The following PDE1A variants were observed in gnomAD, a reference collection of about 807,000 sequenced individuals.
The protein encoded by PDE1A is dual specificity calcium/calmodulin-dependent 3',5'-cyclic nucleotide phosphodiesterase 1A.
A neutral mutation model predicts 61.7 loss-of-function variants in PDE1A; 35 were observed. The ratio of observed to expected loss-of-function variants is 0.57; its 90% CI spans 0.43 to 0.75. PDE1A has a LOEUF of 0.75. Among genes scored for constraint, PDE1A ranks in the 30% least tolerant of loss-of-function variants. The pLI is 0.00. For missense variants in PDE1A, 597 were observed against 630.6 expected (o/e 0.95, Z 0.57); for synonymous variants, 232 against 213.2 (o/e 1.09, Z -0.77).
At chr2:182,342,580 G>A (rs900870428) in intron 1 of PDE1A, among the ~76,000 whole-genome samples, 2 of 152,202 alleles carry the variant, frequency 1.3e-5, no homozygotes, top group African/African-American at 4.8e-5. Context: ...CTACTCAGGA[G>A]GCTGAGGCAG....
chr2:182,526,944 T>G (rs1379644361), upstream of PDE1A, among the ~76,000 whole-genome samples: 1 of 151,696 alleles, frequency 6.6e-6, no homozygotes, highest in African/African-American at 2.4e-5. Context: ...TAGTTACTTT[T>G]TTTTCTTTTT....
chr2:182,500,395 G>A (rs979922698), intron 2 of PDE1A, among the ~76,000 whole-genome samples: 1 of 151,960 alleles, frequency 6.6e-6, no homozygotes, highest in African/African-American at 2.4e-5. Context: ...AATCAGTAAA[G>A]AATATTTAAA....
the PDE1A span, among the ~76,000 whole-genome samples, chr2:182,623,952 C>T: frequency 2.6e-5 from 4 of 151,906 alleles, no homozygotes; most frequent in Admixed American, 6.6e-5. Flanking sequence ...CGTGAAACCC[C>T]ATCTCTACTA....
chr2:182,441,367 TC>T (rs1559466483), intron 2 of PDE1A, among the ~76,000 whole-genome samples: 1 of 152,000 alleles, frequency 6.6e-6, no homozygotes, highest in African/African-American at 2.4e-5. Context: ...TATGTATAAA[TC>T]TCCTATTTAT....
At chr2:182,372,403 T>G (rs1317803430) in intron 1 of PDE1A, among the ~76,000 whole-genome samples, 4 of 152,188 alleles carry the variant, frequency 2.6e-5, no homozygotes, top group Non-Finnish European at 4.4e-5. Flanking sequence ...TTTATCTATA[T>G]TTAAGTGGGA....
At chr2:182,550,897 A>T in the PDE1A span, among the ~76,000 whole-genome samples, 1 of 152,148 alleles carries the variant, frequency 6.6e-6, no homozygotes, top group Non-Finnish European at 1.5e-5. Context: ...TCAAAATTGT[A>T]TGTAAGTTCT....
chr2:182,345,454 A>G (rs959047158), intron 1 of PDE1A, among the ~76,000 whole-genome samples: 1 of 152,234 alleles, frequency 6.6e-6, no homozygotes, highest in Non-Finnish European at 1.5e-5. Context: ...TCTGAACAGC[A>G]GTCAGATTCT....
chr2:182,534,980 C>T, the PDE1A span, among the ~76,000 whole-genome samples: 2 of 152,116 alleles, frequency 1.3e-5, no homozygotes, highest in Admixed American at 6.5e-5. Context: ...ACACATCTAG[C>T]TATTTTTTTC....
At chr2:182,165,316 C>T (rs980628371), downstream of PDE1A, among the ~76,000 whole-genome samples, 16 of 152,066 alleles carry the variant, frequency 1.1e-4, no homozygotes, top group African/African-American at 3.9e-4. Flanking sequence ...CATGCTTCTA[C>T]TAGGAGACAC....
At chr2:182,215,410 A>T (rs1377368045) in intron 7 of PDE1A, among the ~76,000 whole-genome samples, 1 of 144,012 alleles carries the variant, frequency 6.9e-6, no homozygotes, top group Non-Finnish European at 1.5e-5. Flanking sequence ...AGAAATAACT[A>T]AGATCAGAGC....
intron 2 of PDE1A, among the ~76,000 whole-genome samples, chr2:182,482,377 TA>T (rs1392880497): frequency 1.3e-5 from 2 of 151,866 alleles, no homozygotes; most frequent in Non-Finnish European, 2.9e-5. Flanking sequence ...AAAATATGAT[TA>T]TGGAGTTTTT....
chr2:182,477,938 G>A (rs1315292184), intron 2 of PDE1A, among the ~76,000 whole-genome samples: 2 of 151,784 alleles, frequency 1.3e-5, no homozygotes, highest in African/African-American at 4.8e-5. Flanking sequence ...TTCCAGGTGT[G>A]TAGGAAGAAA....
At chr2:182,410,905 G>T (rs1183578043) in intron 1 of PDE1A, among the ~76,000 whole-genome samples, 1 of 152,098 alleles carries the variant, frequency 6.6e-6, no homozygotes, top group Non-Finnish European at 1.5e-5. Flanking sequence ...TCACCATCAG[G>T]TTTTCCCTGG....
At chr2:182,381,029 A>C (rs1442356764) in intron 1 of PDE1A, among the ~76,000 whole-genome samples, 2 of 152,212 alleles carry the variant, frequency 1.3e-5, no homozygotes, top group Non-Finnish European at 1.5e-5. Flanking sequence ...TATTTGAGCC[A>C]AAGCAGTGAT....
At chr2:182,256,365 T>C (rs1691814637) in intron 2 of PDE1A, among the ~76,000 whole-genome samples, 1 of 151,470 alleles carries the variant, frequency 6.6e-6, no homozygotes, top group Non-Finnish European at 1.5e-5. Flanking sequence ...GATAGTTTAC[T>C]GAGAATGATG....
At chr2:182,480,410 G>A (rs189124682) in intron 2 of PDE1A, among the ~76,000 whole-genome samples, 6 of 151,874 alleles carry the variant, frequency 4.0e-5, no homozygotes, top group Non-Finnish European at 7.4e-5. Flanking sequence ...CTCCTTGAAA[G>A]GCTTTCTGAA....
In PDE1A at chr2:182,451,378, CA is replaced by C. The variant is rs1219608685; in HGVS notation, c.101+70897del. Among the ~76,000 whole-genome samples the C allele has an allele frequency of 8.8e-3, 108 of 12,296 alleles. 19 individuals carry two copies. Among genetic ancestry groups the C allele is most frequent in the African/African-American group, 0.021 (64 of 3,058 alleles). 8.1% of individuals were successfully genotyped at this position (12,296 alleles called of 152,430 possible). A position where few individuals can be genotyped will look rare whatever the true frequency, so the allele number is the denominator to read the frequency against. ...TGGGCGACAGAGCGAGACTCCGTCT[CA>C]AAAAAAAAAAAAAAAAAAAATATTT... On this transcript the variant is annotated intron_variant, in intron 2 of 14. Transcript: ENST00000410103.
At chr2:182,254,678 A>T (rs1559257909) in intron 2 of PDE1A, among the ~76,000 whole-genome samples, 2 of 152,194 alleles carry the variant, frequency 1.3e-5, no homozygotes, top group Non-Finnish European at 2.9e-5. Flanking sequence ...GAGACTAATC[A>T]TTAGTAGGAG....
the PDE1A span, among the ~76,000 whole-genome samples, chr2:182,667,384 T>A: frequency 1.3e-5 from 2 of 152,160 alleles, no homozygotes; most frequent in Admixed American, 6.5e-5. Context: ...GGTCCCATCA[T>A]CCCTATTGGA....
Sources: allele counts gnomAD v4.1 joint callset (sites outside exome capture counted in the v4.1 genomes callset), GRCh38; gene constraint gnomAD v4.1.1; transcripts MANE v1.5; gene names NCBI Gene and HGNC (gene_info 2026-07-23, HGNC 2026-07-21).